The following ST6GAL1 variants were observed in gnomAD, a reference collection of about 807,000 sequenced individuals.
ST6GAL1 encodes beta-galactoside alpha-2,6-sialyltransferase 1.
In ST6GAL1, 20 loss-of-function variants were observed where a neutral mutation model predicts 38.0. That is an observed-to-expected ratio of 0.53 (90% CI 0.37 to 0.77). ST6GAL1 has a LOEUF of 0.77. Ranked by LOEUF, ST6GAL1 falls within the 30% of genes least tolerant of loss-of-function variation. The pLI, the probability that ST6GAL1 is intolerant of heterozygous loss-of-function variation, is 0.00. For synonymous variants in ST6GAL1, 196 were observed against 188.2 expected, an observed-to-expected ratio of 1.04 and a Z score of -0.34; for missense variants, 432 against 496.4, an observed-to-expected ratio of 0.87 and a Z score of 1.23.
At chr3:186,996,946 G>A (rs1716431833) in intron 2 of ST6GAL1, among the ~76,000 whole-genome samples, 1 of 151,884 alleles carries the variant, frequency 6.6e-6, no homozygotes, top group South Asian at 2.1e-4. Context: ...TCCACTTTGA[G>A]CTTGTTCATG....
chr3:186,984,921 C>T (rs1168571196), intron 2 of ST6GAL1, among the ~76,000 whole-genome samples: 1 of 149,478 alleles, frequency 6.7e-6, no homozygotes, highest in Admixed American at 6.7e-5. Flanking sequence ...TCTTTTCTTT[C>T]TTTCTGAGAT....
chr3:187,020,339 C>T (rs564041579), intron 2 of ST6GAL1, among the ~76,000 whole-genome samples: 2 of 152,104 alleles, frequency 1.3e-5, no homozygotes, highest in East Asian at 3.9e-4. Context: ...CGTGGTTTCA[C>T]CATTTACAGT....
chr3:187,005,766 G>A (rs1716766926), intron 2 of ST6GAL1, among the ~76,000 whole-genome samples: 1 of 152,290 alleles, frequency 6.6e-6, no homozygotes, highest in South Asian at 2.1e-4. Flanking sequence ...AAACACTGGT[G>A]TATCGAGGGA....
intron 2 of ST6GAL1, among the ~76,000 whole-genome samples, chr3:187,036,953 A>G (rs1170196151): frequency 6.6e-6 from 1 of 152,226 alleles, no homozygotes; most frequent in Non-Finnish European, 1.5e-5. Flanking sequence ...TATAGAACTC[A>G]TATTCTTTAT....
chr3:186,940,850 T>G (rs1714144124), intron 1 of ST6GAL1, among the ~76,000 whole-genome samples: 1 of 151,956 alleles, frequency 6.6e-6, no homozygotes, highest in African/African-American at 2.4e-5. Flanking sequence ...TTACCAATCT[T>G]CTGTTGATGG....
chr3:186,933,146 T>A (rs1006154097), intron 1 of ST6GAL1, among the ~76,000 whole-genome samples: 1 of 152,232 alleles, frequency 6.6e-6, no homozygotes, highest in Non-Finnish European at 1.5e-5. Flanking sequence ...GTTTTACATA[T>A]ACCCACTTTT....
At chr3:187,001,727 G>A (rs1716623408) in intron 2 of ST6GAL1, among the ~76,000 whole-genome samples, 1 of 152,150 alleles carries the variant, frequency 6.6e-6, no homozygotes, top group African/African-American at 2.4e-5. Context: ...GGAGGCCCAG[G>A]CGGGCAGATC....
chr3:187,018,790 C>T (rs1351464882), intron 2 of ST6GAL1, among the ~76,000 whole-genome samples: 2 of 152,208 alleles, frequency 1.3e-5, no homozygotes, highest in East Asian at 1.9e-4. Context: ...TATTAGCCAT[C>T]ACAGGGGCAT....
intron 2 of ST6GAL1, chr3:187,025,439 T>A (rs1049947321): frequency 1.3e-5 from 2 of 151,992 alleles, no homozygotes; most frequent in Admixed American, 1.3e-4. Flanking sequence ...GTGAAGTGTT[T>A]TTTCCACTCT....
chr3:186,989,048 G>A (rs929820194), intron 2 of ST6GAL1, among the ~76,000 whole-genome samples: 2 of 152,156 alleles, frequency 1.3e-5, no homozygotes, highest in African/African-American at 4.8e-5. Context: ...TATTTGCATC[G>A]TAGAGGTGTA....
At chr3:187,050,556 GA>G (rs1232721560) in intron 4 of ST6GAL1, among the ~76,000 whole-genome samples, 2 of 149,572 alleles carry the variant, frequency 1.3e-5, no homozygotes, top group African/African-American at 4.9e-5. Flanking sequence ...GAGAGAGAGA[GA>G]GAGGGAGGGA....
chr3:187,014,099 A>G (rs1187526037), intron 2 of ST6GAL1, among the ~76,000 whole-genome samples: 2 of 152,240 alleles, frequency 1.3e-5, no homozygotes, highest in African/African-American at 4.8e-5. Flanking sequence ...AGCACCTGGC[A>G]TGTGCCAGGC....
intron 1 of ST6GAL1, among the ~76,000 whole-genome samples, chr3:186,935,393 T>A (rs1385381671): frequency 6.6e-6 from 1 of 152,194 alleles, no homozygotes; most frequent in Non-Finnish European, 1.5e-5. Context: ...ATGTACCACA[T>A]TTTCTTTATC....
chr3:187,069,315 G>C lies in ST6GAL1; in HGVS notation c.706-3534G>C, dbSNP rs1579383032. Among the ~76,000 whole-genome samples, 5 of 152,038 alleles carry C rather than the reference G, an allele frequency of 3.3e-5. No homozygotes were observed. The South Asian group carries it at 1.0e-3, about 32-fold the overall frequency. The stretch of plus-strand genomic sequence containing the variant: ...ACGCCTGGCTAATTTTTGTATTTTT[G>C]GTAGAGACAGGGTTTCGCCATGTTG... On this transcript the variant is annotated intron_variant, in intron 5 of 7. Transcript: ENST00000169298.
intron 2 of ST6GAL1, among the ~76,000 whole-genome samples, chr3:187,033,857 G>C (rs1717837231): frequency 6.6e-6 from 1 of 151,184 alleles, no homozygotes; most frequent in South Asian, 2.1e-4. Context: ...AGAGGAACTA[G>C]AAAAAAAATT....
At chr3:187,032,116 C>T (rs1386817159) in intron 2 of ST6GAL1, among the ~76,000 whole-genome samples, 2 of 152,232 alleles carry the variant, frequency 1.3e-5, no homozygotes, top group Non-Finnish European at 2.9e-5. Flanking sequence ...GGAAAGCCCT[C>T]ATCACCTATG....
Position 186,972,396 on chromosome 3 carries a change from G to A in ST6GAL1, c.-183+8470G>A, listed in dbSNP as rs1007021844. The stretch of plus-strand genomic sequence containing the variant: ...CCCAAGTAGCTGGGACTACAGGCAC[G>A]GGCCACCACACCCAGCTAATTTTTT... On this transcript the variant is annotated intron_variant, in intron 2 of 7. Coordinates refer to ENST00000169298, the MANE Select transcript of ST6GAL1 (RefSeq NM_173216.2). 1.4e-4 allele frequency among the ~76,000 whole-genome samples: 22 copies of A among 151,936 alleles called. 1 individual carries two copies. Among genetic ancestry groups the A allele is most frequent in the African/African-American group, 4.8e-4 (20 of 41,356 alleles).
At chr3:187,069,668 C>CTT (rs1350362585) in intron 5 of ST6GAL1, among the ~76,000 whole-genome samples, 1 of 152,192 alleles carries the variant, frequency 6.6e-6, no homozygotes, top group African/African-American at 2.4e-5. Context: ...ATCTTCCTTA[C>CTT]TTAAAACCCT....
intron 2 of ST6GAL1, among the ~76,000 whole-genome samples, chr3:186,984,194 A>G (rs1715785890): frequency 6.6e-6 from 1 of 152,160 alleles, no homozygotes; most frequent in African/African-American, 2.4e-5. Context: ...AAGCACGTCT[A>G]AAATATACCC....
Sources: allele counts gnomAD v4.1 joint callset (sites outside exome capture counted in the v4.1 genomes callset), GRCh38; gene constraint gnomAD v4.1.1; transcripts MANE v1.5; gene names NCBI Gene and HGNC (gene_info 2026-07-23, HGNC 2026-07-21).